SPAG1: variants seen among roughly 807,000 people sequenced by gnomAD.
SPAG1 encodes sperm associated antigen 1.
Under a neutral mutation model 100.5 loss-of-function variants are expected in SPAG1, and 69 were observed. The ratio of observed to expected loss-of-function variants is 0.69; its 90% confidence interval spans 0.57 to 0.84. The LOEUF (loss-of-function observed/expected upper bound fraction) is 0.84, where lower values mean the gene tolerates loss of function less well. Ranked by LOEUF, SPAG1 falls within the 40% of genes least tolerant of loss-of-function variation. The pLI is 0.00. For missense variants in SPAG1, 955 were observed against 1,133.1 expected (o/e 0.84, Z 2.26); for synonymous variants, 336 against 411.6 (o/e 0.82, Z 2.22).
At chr8:100,222,264 C>G (rs1818317513) in intron 13 of SPAG1, among the ~76,000 whole-genome samples, 1 of 152,196 alleles carries the variant, frequency 6.6e-6, no homozygotes, top group Non-Finnish European at 1.5e-5. Flanking sequence ...CTCAGTGCCC[C>G]CATAACACTG....
chr8:100,213,781 A>G (rs1441699970), intron 11 of SPAG1, 38 bp from the exon 12 acceptor site: 3 of 1,300,590 alleles, frequency 2.3e-6, no homozygotes, highest in Admixed American at 1.8e-5. Flanking sequence ...GATCTTGCTA[A>G]TGGATTTTAA....
At chr8:100,213,468 G>A in intron 11 of SPAG1, 40 bp downstream of exon 11, 1 of 1,357,072 alleles carries the variant, frequency 7.4e-7, no homozygotes, top group Non-Finnish European at 9.5e-7. Flanking sequence ...GGCCCCTCGC[G>A]CTGCGGTTCA....
intron 10 of SPAG1, among the ~76,000 whole-genome samples, chr8:100,200,092 C>T (rs181901332): frequency 6.6e-6 from 1 of 152,286 alleles, no homozygotes; most frequent in East Asian, 1.9e-4. Context: ...TGCTATCCCT[C>T]CCCTCACTCC....
chr8:100,163,674 T>C (rs1449707006), intron 2 of SPAG1, among the ~76,000 whole-genome samples: 1 of 152,354 alleles, frequency 6.6e-6, no homozygotes, highest in East Asian at 1.9e-4. Flanking sequence ...TTCTTCCCTT[T>C]TTCTCTTTCA....
intron 9 of SPAG1, among the ~76,000 whole-genome samples, chr8:100,193,780 G>T (rs1318575213): frequency 6.6e-6 from 1 of 152,116 alleles, no homozygotes; most frequent in African/African-American, 2.4e-5. Context: ...AGCGTATGTA[G>T]CATGATTTCA....
At chr8:100,185,815 C>T (rs903015192) in intron 7 of SPAG1, among the ~76,000 whole-genome samples, 2 of 151,998 alleles carry the variant, frequency 1.3e-5, no homozygotes, top group African/African-American at 2.4e-5. Flanking sequence ...AATGAAGATA[C>T]GAGGTAAAGA....
chr8:100,165,238 G>A (rs776145294), intron 2 of SPAG1: 2 of 518,944 alleles, frequency 3.9e-6, no homozygotes, highest in Non-Finnish European at 7.9e-6. Context: ...CTTCCATCAC[G>A]ACTCTAGGAA....
At position 100,231,268 on chromosome 8, in the gene SPAG1, A is replaced by G. The variant is rs753398113; in HGVS notation, c.1968A>G (p.Glu656=). 6.3e-7 allele frequency: 1 copy of G among 1,580,186 alleles called. No homozygotes were observed. Among genetic ancestry groups the G allele is most frequent in the Admixed American group, 1.7e-5 (1 of 57,416 alleles). Reference sequence around the variant, plus strand: ...AATGCTTAAAGATTAACAATAAGGAATGTGCCATATATACAAACAGGCAAG... The same window carrying G: ...AATGCTTAAAGATTAACAATAAGGAGTGTGCCATATATACAAACAGGCAAG... ...YSECLKINNK[E]CAIYTNRALC... The change falls in exon 15 of 19, where the codon GAA becomes GAG. Residue 656 remains glutamate (E), a synonymous_variant. Coordinates refer to ENST00000388798, the MANE Select transcript of SPAG1 (RefSeq NM_003114.5).
chr8:100,169,480 C>T (rs2453650), intron 3 of SPAG1, among the ~76,000 whole-genome samples: 55,033 of 152,102 alleles, frequency 0.36, 10,227 homozygotes, highest in East Asian at 0.51. Context: ...TGGCTCACGC[C>T]TATAATCCAG....
intron 16 of SPAG1, among the ~76,000 whole-genome samples, chr8:100,235,256 A>C (rs1818953171): frequency 6.6e-6 from 1 of 152,130 alleles, no homozygotes; most frequent in African/African-American, 2.4e-5. Context: ...TGGACTAGGT[A>C]GGGCCTACTG....
chr8:100,192,150 G>C (rs1816844061), intron 9 of SPAG1, among the ~76,000 whole-genome samples: 1 of 152,156 alleles, frequency 6.6e-6, no homozygotes, highest in Admixed American at 6.5e-5. Context: ...ATGGATTTAT[G>C]TGATGGCTGA....
Position 100,240,745 on chromosome 8 carries a change from T to C in SPAG1, c.2623T>C (p.Tyr875His), listed in dbSNP as rs1161354171. 15 of 1,606,644 alleles carry C rather than the reference T, an allele frequency of 9.3e-6. No individual in the cohort carries two copies. The highest frequency in any genetic ancestry group is 1.1e-5 in the South Asian group (1 of 89,364). ...DPSLVYQHLL[Y>H]LSKAERFKMM... The stretch of plus-strand genomic sequence containing the variant: ...CTCATTGGTGTATCAGCATCTTTTA[T>C]ACCTGAGTAAAGCAGAAAGGTTTAA... Residue 875 changes from tyrosine (Y) to histidine (H), a missense_variant, in exon 18 of 19, where the codon TAC becomes CAC. Coordinates refer to ENST00000388798, the MANE Select transcript of SPAG1 (RefSeq NM_003114.5).
chr8:100,233,045 A>C (rs888109244), intron 15 of SPAG1: 1 of 271,504 alleles, frequency 3.7e-6, no homozygotes, highest in Non-Finnish European at 7.1e-6. Context: ...CTGGATTTCA[A>C]CTTAAATGTC....
At chr8:100,183,916 G>A (rs757573972) in intron 5 of SPAG1, 40 bp from the exon 6 acceptor site, 19 of 923,372 alleles carry the variant, frequency 2.1e-5, no homozygotes, top group Non-Finnish European at 3.2e-5. Context: ...TTTCTTGCCT[G>A]TATTGTACTT....
intron 7 of SPAG1, among the ~76,000 whole-genome samples, chr8:100,186,490 C>T (rs1041362686): frequency 1.3e-5 from 2 of 152,066 alleles, no homozygotes; most frequent in Non-Finnish European, 2.9e-5. Flanking sequence ...AACTAAAGCT[C>T]AGATTCCAGA....
At chr8:100,237,100 AG>A (rs1819040636) in intron 16 of SPAG1, among the ~76,000 whole-genome samples, 1 of 152,064 alleles carries the variant, frequency 6.6e-6, no homozygotes, top group South Asian at 2.1e-4. Flanking sequence ...TTTATTTTTG[AG>A]ACAGAGTCTT....
At chr8:100,187,364 G>A (rs1010258054) in intron 8 of SPAG1, 114 bp downstream of exon 8, 8 of 833,258 alleles carry the variant, frequency 9.6e-6, no homozygotes, top group African/African-American at 7.0e-5. Flanking sequence ...TCAAATTTCT[G>A]TATGTGAATC....
chr8:100,214,146 C>T (rs958169043), intron 12 of SPAG1, among the ~76,000 whole-genome samples: 2 of 152,212 alleles, frequency 1.3e-5, no homozygotes, highest in African/African-American at 2.4e-5. Context: ...CTAATTCGTG[C>T]TCTTTTCATA....
At chr8:100,212,938 C>T (rs1161463407) in intron 10 of SPAG1, 152 bp from the exon 11 acceptor site, 11 of 559,246 alleles carry the variant, frequency 2.0e-5, no homozygotes, top group Non-Finnish European at 3.1e-5. Flanking sequence ...TCTAGAGGTC[C>T]GGCAGCACAG....
Sources: allele counts gnomAD v4.1 joint callset (sites outside exome capture counted in the v4.1 genomes callset), GRCh38; gene constraint gnomAD v4.1.1; transcripts MANE v1.5; gene names NCBI Gene and HGNC (gene_info 2026-07-23, HGNC 2026-07-21).